The following PDE1A variants were observed in gnomAD, a reference collection of about 807,000 sequenced individuals.
PDE1A encodes phosphodiesterase 1A.
PDE1A carries 35 observed loss-of-function variants against 61.7 expected under a neutral mutation model. The ratio of observed to expected loss-of-function variants is 0.57; its 90% CI spans 0.43 to 0.75. The LOEUF (loss-of-function observed/expected upper bound fraction) is 0.75, where lower values mean the gene tolerates loss of function less well. Among genes scored for constraint, PDE1A ranks in the 30% least tolerant of loss-of-function variants. The pLI is 0.00. For missense variants in PDE1A, 597 were observed against 630.6 expected (o/e 0.95, Z 0.57); for synonymous variants, 232 against 213.2 (o/e 1.09, Z -0.77).
intron 13 of PDE1A, among the ~76,000 whole-genome samples, chr2:182,148,121 T>C (rs1375271854): frequency 6.6e-6 from 1 of 152,214 alleles, no homozygotes; most frequent in African/African-American, 2.4e-5. Flanking sequence ...TGATCATTCT[T>C]AGAGAACTAA....
At chr2:182,565,137 T>C in the PDE1A span, among the ~76,000 whole-genome samples, 490 of 152,354 alleles carry the variant, frequency 3.2e-3, 1 homozygote, top group Non-Finnish European at 5.8e-3. Context: ...CTCTGCTTTT[T>C]AGAGTTTCCA....
chr2:182,654,518 G>GTAAT, the PDE1A span, among the ~76,000 whole-genome samples: 1 of 152,296 alleles, frequency 6.6e-6, no homozygotes, highest in African/African-American at 2.4e-5. Context: ...AGGGATCATA[G>GTAAT]TAATATTCCT....
the PDE1A span, among the ~76,000 whole-genome samples, chr2:182,674,821 T>G: frequency 6.6e-6 from 1 of 152,152 alleles, no homozygotes; most frequent in Non-Finnish European, 1.5e-5. Context: ...TTCAATTATT[T>G]TATTAATGTG....
At chr2:182,436,400 A>G (rs1237938460) in intron 2 of PDE1A, among the ~76,000 whole-genome samples, 1 of 152,014 alleles carries the variant, frequency 6.6e-6, no homozygotes, top group Non-Finnish European at 1.5e-5. Context: ...TTCAAATTCC[A>G]TACAGGATTT....
chr2:182,248,366 A>G (rs943546104), intron 2 of PDE1A, among the ~76,000 whole-genome samples: 2 of 78,818 alleles, frequency 2.5e-5, no homozygotes, highest in African/African-American at 1.5e-4. Context: ...AAATGCTCCC[A>G]CTGGTGTTTG....
chr2:182,550,114 G>A, the PDE1A span, among the ~76,000 whole-genome samples: 8 of 151,998 alleles, frequency 5.3e-5, no homozygotes, highest in South Asian at 2.1e-4. Context: ...AATCAAGACC[G>A]GCATTAGAAT....
intron 8 of PDE1A, among the ~76,000 whole-genome samples, chr2:182,202,600 T>C (rs1027492793): frequency 6.6e-6 from 1 of 152,124 alleles, no homozygotes; most frequent in African/African-American, 2.4e-5. Flanking sequence ...AGCAGACACA[T>C]GGACCACTCC....
exon 14 of PDE1A, chr2:182,168,166 T>G (rs1691771998): frequency 6.5e-7 from 1 of 1,543,476 alleles, no homozygotes; most frequent in African/African-American, 1.4e-5. Context: ...AGGGTAGATT[T>G]CCAGCAAGCA....
chr2:182,481,367 A>G (rs2125845138), intron 2 of PDE1A, among the ~76,000 whole-genome samples: 1 of 152,032 alleles, frequency 6.6e-6, no homozygotes, highest in East Asian at 1.9e-4. Flanking sequence ...CTGTGCTTGA[A>G]TACCTCCATT....
chr2:182,710,097 A>G, the PDE1A span, among the ~76,000 whole-genome samples: 3 of 152,124 alleles, frequency 2.0e-5, no homozygotes, highest in South Asian at 2.1e-4. Context: ...CGGTTTCACC[A>G]TGTTGGCCAG....
At chr2:182,698,286 C>G in the PDE1A span, among the ~76,000 whole-genome samples, 1 of 152,110 alleles carries the variant, frequency 6.6e-6, no homozygotes, top group Admixed American at 6.6e-5. Context: ...AAAAATCCTG[C>G]AGGAATCTAT....
the PDE1A span, among the ~76,000 whole-genome samples, chr2:182,588,736 G>C: frequency 5.5e-4 from 83 of 152,198 alleles, no homozygotes; most frequent in African/African-American, 2.0e-3. Flanking sequence ...GTAATCATTA[G>C]GTAATAATTT....
At position 182,371,717 on chromosome 2, in the gene PDE1A, T is replaced by TA. The variant is rs1700137216; in HGVS notation, c.53+54860dup. 2.0e-5 allele frequency among the ~76,000 whole-genome samples: 3 copies of TA among 152,184 alleles called. No individual in the cohort carries two copies. The South Asian group carries it at 6.2e-4, about 31-fold the overall frequency. ...AACACATAGTCATGTCTTGCCTCATTAAAAATCATGCATGATTATCTTACT... is the reference window on the plus strand; with the variant it reads ...AACACATAGTCATGTCTTGCCTCATTAAAAAATCATGCATGATTATCTTACT... On this transcript the variant is annotated intron_variant, in intron 1 of 13. Transcript: ENST00000351439.
In PDE1A at chr2:182,295,057, C is replaced by CTTTTTTTTTTTTTTT. The variant is rs11420821; in HGVS notation, c.54-30658_54-30644dup. 2.0e-3 allele frequency among the ~76,000 whole-genome samples: 121 copies of CTTTTTTTTTTTTTTT among 59,370 alleles called. 34 individuals carry two copies. The highest frequency in any genetic ancestry group is 2.8e-3 in the Non-Finnish European group (96 of 33,740). The allele number at this position is 59,370 out of a possible 152,430, so 38.9% of individuals were successfully genotyped here. A position where few individuals can be genotyped will look rare whatever the true frequency, so the allele number is the denominator to read the frequency against. Reference sequence around the variant, plus strand: ...ACGACCAATCAAAATAAAAGGTAATCTTTTTTTTTTTTTTTTTTTTTTTTT... The same window carrying CTTTTTTTTTTTTTTT: ...ACGACCAATCAAAATAAAAGGTAATCTTTTTTTTTTTTTTTTTTTTTTTTTTTTTTTTTTTTTTTT... On this transcript the variant is annotated intron_variant, in intron 1 of 13. Coordinates refer to ENST00000351439, the Ensembl canonical transcript of PDE1A.
chr2:182,671,338 A>ATTTT, the PDE1A span, among the ~76,000 whole-genome samples: 1,243 of 75,086 alleles, frequency 0.017, 25 homozygotes, highest in African/African-American at 0.042. Context: ...CGACTGGCTA[A>ATTTT]TTTTTTTTTT....
intron 1 of PDE1A, among the ~76,000 whole-genome samples, chr2:182,320,597 T>C (rs1696637301): frequency 6.6e-6 from 1 of 152,206 alleles, no homozygotes; most frequent in Admixed American, 6.5e-5. Flanking sequence ...TAGCAATAAG[T>C]AGATATTTGC....
chr2:182,307,823 T>A (rs1695690995), intron 1 of PDE1A, among the ~76,000 whole-genome samples: 1 of 152,030 alleles, frequency 6.6e-6, no homozygotes, highest in South Asian at 2.1e-4. Flanking sequence ...GCCACTGAAC[T>A]CTAGCATGAA....
intron 2 of PDE1A, among the ~76,000 whole-genome samples, chr2:182,435,299 G>C (rs987955528): frequency 1.3e-5 from 2 of 152,032 alleles, no homozygotes; most frequent in African/African-American, 4.8e-5. Context: ...GCAAAAAGAA[G>C]TCTCCTTAAT....
At chr2:182,608,982 A>G in the PDE1A span, among the ~76,000 whole-genome samples, 1 of 152,194 alleles carries the variant, frequency 6.6e-6, no homozygotes, top group African/African-American at 2.4e-5. Context: ...TGTCTAGCTC[A>G]GGGTTTGTGA....
Sources: allele counts gnomAD v4.1 joint callset (sites outside exome capture counted in the v4.1 genomes callset), GRCh38; gene constraint gnomAD v4.1.1; transcripts MANE v1.5; gene names NCBI Gene and HGNC (gene_info 2026-07-23, HGNC 2026-07-21).